The following GALNT13 variants were observed in gnomAD, a reference collection of about 807,000 sequenced individuals.
GALNT13 encodes polypeptide N-acetylgalactosaminyltransferase 13.
Under a neutral mutation model 64.2 loss-of-function variants are expected in GALNT13, and 28 were observed. That is an observed-to-expected ratio of 0.44 (90% confidence interval 0.32 to 0.60). The LOEUF is 0.60. Among genes scored for constraint, GALNT13 ranks in the 20% least tolerant of loss-of-function variants. The probability of loss-of-function intolerance (pLI) is 0.05; values close to 1 mark genes in which losing one functional copy is unlikely to be tolerated. For missense variants in GALNT13, 577 were observed against 669.8 expected (o/e 0.86, Z 1.53); for synonymous variants, 214 against 224.6 (o/e 0.95, Z 0.42).
chr2:153,811,513 T>G, the GALNT13 span, among the ~76,000 whole-genome samples: 1 of 152,238 alleles, frequency 6.6e-6, no homozygotes, highest in Non-Finnish European at 1.5e-5. Flanking sequence ...GTCTTGGTAA[T>G]TACTTTTTAC....
the GALNT13 span, among the ~76,000 whole-genome samples, chr2:153,202,530 C>T: frequency 3.9e-5 from 6 of 152,202 alleles, no homozygotes; most frequent in African/African-American, 1.2e-4. Context: ...AGTCCACCCA[C>T]AATCCTTACT....
At chr2:153,285,202 C>G in the GALNT13 span, among the ~76,000 whole-genome samples, 2 of 152,062 alleles carry the variant, frequency 1.3e-5, no homozygotes, top group Admixed American at 6.5e-5. Flanking sequence ...TCTCATGAGA[C>G]TCACTCATTA....
the GALNT13 span, among the ~76,000 whole-genome samples, chr2:153,585,792 A>G: frequency 3.3e-5 from 5 of 149,872 alleles, no homozygotes; most frequent in Admixed American, 2.7e-4. Flanking sequence ...GTACTGACAG[A>G]AAAAAAAACA....
intron 4 of GALNT13, among the ~76,000 whole-genome samples, chr2:154,237,684 T>A (rs1192090696): frequency 6.6e-6 from 1 of 151,478 alleles, no homozygotes; most frequent in Non-Finnish European, 1.5e-5. Context: ...ATGTGCAGTT[T>A]TTTCATTTTA....
chr2:154,228,716 GA>G (rs1378186938), intron 4 of GALNT13, among the ~76,000 whole-genome samples: 2 of 152,130 alleles, frequency 1.3e-5, no homozygotes, highest in Admixed American at 1.3e-4. Context: ...CAATGTATGA[GA>G]AAACAGGAAC....
chr2:153,923,543 TA>T (rs1318040763), intron 2 of GALNT13, among the ~76,000 whole-genome samples: 1 of 152,136 alleles, frequency 6.6e-6, no homozygotes, highest in Non-Finnish European at 1.5e-5. Context: ...TGGTTGTTTT[TA>T]TTTTTTTTTA....
At chr2:153,429,005 T>C in the GALNT13 span, among the ~76,000 whole-genome samples, 1 of 152,158 alleles carries the variant, frequency 6.6e-6, no homozygotes. Context: ...TGCAATTCTT[T>C]TTAAATTCTA....
the GALNT13 span, among the ~76,000 whole-genome samples, chr2:153,794,665 C>T: frequency 1.6e-3 from 250 of 152,038 alleles, no homozygotes; most frequent in African/African-American, 5.7e-3. Context: ...GGATTACAGG[C>T]GCCCACCACT....
At chr2:153,451,729 G>A in the GALNT13 span, among the ~76,000 whole-genome samples, 6 of 152,176 alleles carry the variant, frequency 3.9e-5, no homozygotes, top group Non-Finnish European at 7.3e-5. Flanking sequence ...TAAATTTACT[G>A]TGAAAGAAAT....
the GALNT13 span, among the ~76,000 whole-genome samples, chr2:153,262,085 G>T: frequency 1.3e-5 from 2 of 152,104 alleles, no homozygotes; most frequent in East Asian, 3.9e-4. Context: ...TAAGATGCAA[G>T]ACCGAGTCCC....
At chr2:153,636,060 A>G in the GALNT13 span, among the ~76,000 whole-genome samples, 1 of 152,118 alleles carries the variant, frequency 6.6e-6, no homozygotes, top group Non-Finnish European at 1.5e-5. Flanking sequence ...ACATTTGGTG[A>G]TTACATTTTT....
At chr2:153,104,587 A>G in the GALNT13 span, among the ~76,000 whole-genome samples, 2 of 152,180 alleles carry the variant, frequency 1.3e-5, no homozygotes, top group Non-Finnish European at 2.9e-5. Context: ...CCCCTGCTTT[A>G]TCTGATTCTT....
chr2:153,603,279 C>A, the GALNT13 span, among the ~76,000 whole-genome samples: 174 of 151,892 alleles, frequency 1.1e-3, no homozygotes, highest in Middle Eastern at 3.4e-3. Flanking sequence ...CATTTGGGAA[C>A]ATCATGTAAC....
chr2:153,533,953 G>A, the GALNT13 span, among the ~76,000 whole-genome samples: 1 of 150,718 alleles, frequency 6.6e-6, no homozygotes, highest in South Asian at 2.1e-4. Flanking sequence ...GCCCAGGCAG[G>A]TCTCGAACTC....
At chr2:154,169,379 A>G (rs2105695340) in intron 4 of GALNT13, among the ~76,000 whole-genome samples, 1 of 152,276 alleles carries the variant, frequency 6.6e-6, no homozygotes, top group South Asian at 2.1e-4. Flanking sequence ...TAAGCTATCA[A>G]CTTCACGTCA....
chr2:153,520,165 GTTAT>G, the GALNT13 span, among the ~76,000 whole-genome samples: 1 of 152,166 alleles, frequency 6.6e-6, no homozygotes, highest in African/African-American at 2.4e-5. Context: ...ACATATTTGA[GTTAT>G]TTATTTTAAT....
the GALNT13 span, among the ~76,000 whole-genome samples, chr2:153,621,276 A>G: frequency 6.6e-6 from 1 of 152,196 alleles, no homozygotes; most frequent in Non-Finnish European, 1.5e-5. Flanking sequence ...CACCACAGCT[A>G]TCAGTACAAA....
intron 4 of GALNT13, among the ~76,000 whole-genome samples, chr2:154,241,050 G>A (rs892313507): frequency 3.9e-5 from 6 of 151,970 alleles, no homozygotes; most frequent in Non-Finnish European, 7.4e-5. Flanking sequence ...CTAGCCGTCC[G>A]TGCCTTCCTC....
chr2:153,987,388 C>G lies in GALNT13; in HGVS notation c.142+42749C>G, dbSNP rs1375879309. Among the ~76,000 whole-genome samples the G allele has an allele frequency of 2.0e-5, 3 of 151,760 alleles. No individual in the cohort carries two copies. The South Asian group carries it at 6.2e-4, about 32-fold the overall frequency. On this transcript the variant is annotated intron_variant, in intron 3 of 12. Transcript: ENST00000392825. ...GCTTAAGGGAGAGGGGCCTTTACTG[C>G]CTCTATCTTGGAAACAAGACAACTG...
Sources: gnomAD v4.1 joint callset for allele counts (sites outside exome capture counted in the v4.1 genomes callset) on GRCh38, gnomAD v4.1.1 for gene constraint, MANE v1.5 for transcripts, NCBI Gene and HGNC (gene_info 2026-07-23, HGNC 2026-07-21) for gene names.